Variants in EML6 observed in about 807,000 individuals in gnomAD.
The protein encoded by EML6 is EMAP like 6.
A neutral mutation model predicts 240.1 loss-of-function variants in EML6; 154 were observed. The observed-to-expected ratio is 0.64, with a 90% CI of 0.56 to 0.73. The LOEUF (loss-of-function observed/expected upper bound fraction) is 0.73, where lower values mean the gene tolerates loss of function less well. Ranked by LOEUF, EML6 falls within the 30% of genes least tolerant of loss-of-function variation. The pLI, the probability that EML6 is intolerant of heterozygous loss-of-function variation, is 0.00. For missense variants in EML6, 2,964 were observed against 2,474.6 expected, an observed-to-expected ratio of 1.20 and a Z score of -4.20; for synonymous variants, 1,148 against 899.0, an observed-to-expected ratio of 1.28 and a Z score of -4.95.
chr2:54,851,893 T>C (rs1436824626), intron 10 of EML6, among the ~76,000 whole-genome samples: 1 of 152,216 alleles, frequency 6.6e-6, no homozygotes, highest in Non-Finnish European at 1.5e-5. Context: ...TGGGCAATAA[T>C]ACTCCCATCG....
At chr2:54,910,131 C>G (rs1468938536) in intron 24 of EML6, among the ~76,000 whole-genome samples, 4 of 152,010 alleles carry the variant, frequency 2.6e-5, no homozygotes, top group African/African-American at 9.7e-5. Context: ...ACAGGGTTGG[C>G]CATGTGTTAA....
chr2:54,936,321 T>C (rs1488948520), intron 28 of EML6, among the ~76,000 whole-genome samples: 2 of 152,244 alleles, frequency 1.3e-5, no homozygotes, highest in Non-Finnish European at 2.9e-5. Context: ...TGACCAGGTA[T>C]TAGTCTTCCT....
At chr2:54,853,914 A>C in intron 11 of EML6, 59 bp downstream of exon 11, 2 of 1,081,988 alleles carry the variant, frequency 1.8e-6, no homozygotes. Context: ...TATACAGTAC[A>C]ATTAAGGCTG....
rs1676444909 is a variant in EML6 at position 54,960,421 on chromosome 2, T to G, written c.4968+87T>G. The G allele has an allele frequency of 4.0e-5, 39 of 972,648 alleles. 1 individual carries two copies. In the South Asian group the frequency reaches 5.3e-4, roughly 13 times the overall value. The allele number at this position is 972,648 out of a possible 1,614,324, so 60.3% of individuals were successfully genotyped here. On this transcript the variant is annotated intron_variant, in intron 35 of 41. Transcript: ENST00000356458. Reference sequence around the variant, plus strand: ...CAGCCGGCACTTTCTCTGGGCTGGTTTGTTTACTCCTTGAAACAAGGCCTC... The same window carrying G: ...CAGCCGGCACTTTCTCTGGGCTGGTGTGTTTACTCCTTGAAACAAGGCCTC...
At chr2:54,966,901 G>A in intron 38 of EML6, 99 bp from the exon 39 acceptor site, 2 of 729,152 alleles carry the variant, frequency 2.7e-6, no homozygotes, top group Non-Finnish European at 4.6e-6. Context: ...AAGCCCTAGG[G>A]ATGCAGAGGC....
At chr2:54,878,114 A>G (rs1217052394) in intron 16 of EML6, among the ~76,000 whole-genome samples, 1 of 152,262 alleles carries the variant, frequency 6.6e-6, no homozygotes, top group Non-Finnish European at 1.5e-5. Flanking sequence ...TAATATACAT[A>G]TAAATATTGC....
Position 54,820,378 on chromosome 2 carries a change from T to G in EML6, c.457-16T>G. 4.6e-6 allele frequency: 7 copies of G among 1,535,570 alleles called. No individual in the cohort carries two copies. Among genetic ancestry groups the G allele is most frequent in the Non-Finnish European group, 6.2e-6 (7 of 1,135,290 alleles). Reference sequence around the variant, plus strand: ...TACCAAATGATCAACATGGCAACTTTTAATGTTTTGAACAGATTTTTGATA... The same window carrying G: ...TACCAAATGATCAACATGGCAACTTGTAATGTTTTGAACAGATTTTTGATA... On this transcript the variant is annotated splice_polypyrimidine_tract_variant and intron_variant, in intron 4 of 41. Coordinates refer to ENST00000356458, the MANE Select transcript of EML6 (RefSeq NM_001039753.4).
At chr2:54,803,835 G>A (rs1482665160) in intron 2 of EML6, among the ~76,000 whole-genome samples, 1 of 152,204 alleles carries the variant, frequency 6.6e-6, no homozygotes, top group Non-Finnish European at 1.5e-5. Flanking sequence ...CTGTGTGTGT[G>A]AAATACAGCT....
At position 54,774,260 on chromosome 2, in the gene EML6, A is replaced by T. The variant is rs1255687099; in HGVS notation, c.198-38972A>T. On this transcript the variant is annotated intron_variant, in intron 2 of 41. Transcript: ENST00000356458. This position sits in a 1 kb window ranked among gnomAD's most constrained non-coding sequence, Gnocchi z 4.1. ...ACGAAGTTCAGCTTGCAAAATGTTT[A>T]TTGGATCAGTAGTGATGGAAGGGAG... is the stretch of plus-strand genomic sequence containing the variant. 6.6e-6 allele frequency among the ~76,000 whole-genome samples: 1 copy of T among 152,168 alleles called. No homozygotes were observed. The highest frequency in any genetic ancestry group is 1.5e-5 in the Non-Finnish European group (1 of 68,030).
At chr2:54,816,692 C>A in intron 3 of EML6, 95 bp from the exon 4 acceptor site, 2 of 967,394 alleles carry the variant, frequency 2.1e-6, no homozygotes, top group Non-Finnish European at 3.2e-6. Context: ...ATAAGAAATT[C>A]AATGCCTAAC....
rs1373560857 is a variant in EML6, at chr2:54,957,789, G to A, written c.4487-1G>A. 6.5e-7 allele frequency: 1 copy of A among 1,549,738 alleles called. No individual in the cohort carries two copies. The highest frequency in any genetic ancestry group is 2.0e-5 in the Admixed American group (1 of 51,014). On this transcript the variant is annotated splice_acceptor_variant, in intron 32 of 41. Transcript: ENST00000356458. LOFTEE classifies it high-confidence loss of function. ...CTCACTGGACTCTGTCACCCACACA[G>A]GTGCCAAGGTTGCCAGCCGAGGGGG...
chr2:54,911,960 G>T (rs1488865965), intron 25 of EML6, among the ~76,000 whole-genome samples: 1 of 152,164 alleles, frequency 6.6e-6, no homozygotes, highest in Non-Finnish European at 1.5e-5. Context: ...CACATAATGA[G>T]CCCTGGTCTA....
At chr2:54,820,728 A>T (rs1233484645) in intron 5 of EML6, among the ~76,000 whole-genome samples, 1 of 152,090 alleles carries the variant, frequency 6.6e-6, no homozygotes, top group African/African-American at 2.4e-5. Context: ...CGAACTGAAG[A>T]CTCATAATAC....
intron 24 of EML6, among the ~76,000 whole-genome samples, chr2:54,904,321 C>T (rs1355022062): frequency 1.3e-5 from 2 of 152,220 alleles, no homozygotes; most frequent in Admixed American, 6.5e-5. Flanking sequence ...AAATCCTATC[C>T]TCAAGACTCG....
rs542382313 is a variant in EML6, at chr2:54,783,294, A to C, written c.198-29938A>C. 1.2e-4 allele frequency among the ~76,000 whole-genome samples: 19 copies of C among 152,348 alleles called. No individual in the cohort carries two copies. The South Asian group carries it at 1.7e-3, about 13-fold the overall frequency. Reference sequence around the variant, plus strand: ...CTTTTTTATTGTTCTGGATATAACTATGTAATGAAACACTCTGTTATATTG... The same window carrying C: ...CTTTTTTATTGTTCTGGATATAACTCTGTAATGAAACACTCTGTTATATTG... On this transcript the variant is annotated intron_variant, in intron 2 of 41. Transcript: ENST00000356458.
rs1670771924 is a variant in EML6 at position 54,863,145 on chromosome 2, C to T, written c.1826-638C>T. On this transcript the variant is annotated intron_variant, in intron 12 of 41. Coordinates refer to ENST00000356458, the MANE Select transcript of EML6 (RefSeq NM_001039753.4). ...GACAAGAGTTCTGTGGTGGTTTGGG[C>T]CATGACAATTACCAACACTTGGGTG... 2.0e-5 allele frequency among the ~76,000 whole-genome samples: 3 copies of T among 152,086 alleles called. No individual in the cohort carries two copies. The South Asian group carries it at 6.2e-4, about 32-fold the overall frequency.
intron 21 of EML6, among the ~76,000 whole-genome samples, chr2:54,899,069 G>T (rs540946719): frequency 6.6e-6 from 1 of 152,270 alleles, no homozygotes; most frequent in East Asian, 1.9e-4. Flanking sequence ...CAGAACCTGG[G>T]CTACACCGAG....
At position 54,928,517 on chromosome 2, in the gene EML6, G is replaced by GAGC. The variant is rs1674680520; in HGVS notation, c.3877+4_3877+6dup. On this transcript the variant is annotated splice_donor_region_variant and intron_variant, in intron 27 of 41. Coordinates refer to ENST00000356458, the MANE Select transcript of EML6 (RefSeq NM_001039753.4). ...CACCGACGTGGAAGAGGATGGAGGT[G>GAGC]AGCCCCCCACCTGCCACATGCCTCC... The GAGC allele has an allele frequency of 1.3e-6, 2 of 1,544,314 alleles. No homozygotes were observed. The highest frequency in any genetic ancestry group is 1.8e-6 in the Non-Finnish European group (2 of 1,142,184).
chr2:54,934,117 T>C (rs80286959), intron 28 of EML6, among the ~76,000 whole-genome samples: 3 of 152,278 alleles, frequency 2.0e-5, no homozygotes, highest in Non-Finnish European at 2.9e-5. Context: ...TATGACTGGA[T>C]GGTAATGTGA....
Sources: allele counts gnomAD v4.1 joint callset (sites outside exome capture counted in the v4.1 genomes callset), GRCh38; gene constraint gnomAD v4.1.1; non-coding constraint Gnocchi (gnomAD v3.1); transcripts MANE v1.5; gene names NCBI Gene and HGNC (gene_info 2026-07-23, HGNC 2026-07-21).